MED12L: variants seen among roughly 807,000 people sequenced by gnomAD.
MED12L encodes the protein mediator of RNA polymerase II transcription subunit 12-like protein.
A neutral mutation model predicts 281.3 loss-of-function variants in MED12L; 60 were observed. The ratio of observed to expected loss-of-function variants is 0.21; its 90% CI spans 0.17 to 0.26. MED12L has a LOEUF of 0.26. MED12L is among the 10% of genes least tolerant of loss of function. MED12L has a pLI of 1.00. For synonymous variants in MED12L, 974 were observed against 987.2 expected, an observed-to-expected ratio of 0.99 and a Z score of 0.25; for missense variants, 2,146 against 2,680.9, an observed-to-expected ratio of 0.80 and a Z score of 4.41.
rs192614575 is a variant in MED12L, at chr3:151,284,309, A to G, written c.2251-65750A>G. Among the ~76,000 whole-genome samples the G allele has an allele frequency of 2.0e-3, 298 of 152,178 alleles. 1 individual carries two copies. The highest frequency in any genetic ancestry group is 6.8e-3 in the African/African-American group (284 of 41,508). On this transcript the variant is annotated intron_variant, in intron 16 of 44. Coordinates refer to ENST00000687756, the MANE Select transcript of MED12L (RefSeq NM_001393769.1). ...TTGTTTTTTTTTTTCTACCCAAAGA[A>G]TAAGCCGCACCTGACATTATGTAGA... is the stretch of plus-strand genomic sequence containing the variant.
At chr3:151,237,121 A>C (rs908092453) in intron 16 of MED12L, among the ~76,000 whole-genome samples, 4 of 146,654 alleles carry the variant, frequency 2.7e-5, no homozygotes, top group Non-Finnish European at 5.9e-5. Flanking sequence ...GGCTAACTGC[A>C]ACCTCCGTTT....
intron 5 of MED12L, among the ~76,000 whole-genome samples, chr3:151,136,086 C>T (rs894154373): frequency 6.6e-6 from 1 of 152,170 alleles, no homozygotes. Context: ...GGATTTGAGT[C>T]AGATGAGAGA....
At chr3:151,195,991 T>C (rs1264397615) in intron 16 of MED12L, among the ~76,000 whole-genome samples, 5 of 152,228 alleles carry the variant, frequency 3.3e-5, no homozygotes, top group Non-Finnish European at 5.9e-5. Flanking sequence ...TATGTGTTCC[T>C]TTCTTGGGTA....
chr3:151,106,359 CTACAGGGTCTCGCCA>C (rs2148684516), intron 2 of MED12L, among the ~76,000 whole-genome samples: 1 of 120,468 alleles, frequency 8.3e-6, no homozygotes, highest in Non-Finnish European at 1.7e-5. Context: ...CTTTCCTTTC[CTACAGGGTCTCGCCA>C]TGTTGGGCAG....
chr3:151,416,209 A>G, intron 42 of MED12L, 103 bp from the exon 43 acceptor site: 1 of 1,595,930 alleles, frequency 6.3e-7, no homozygotes, highest in Non-Finnish European at 8.6e-7. Flanking sequence ...TATTGTTTTT[A>G]CTACAACATA....
intron 13 of MED12L, 22 bp from the exon 14 acceptor site, chr3:151,190,695 G>GAT: frequency 6.2e-7 from 1 of 1,609,000 alleles, no homozygotes. Context: ...AGGAATTCTT[G>GAT]ATTGAATTTG....
At chr3:151,383,968 C>A in intron 34 of MED12L, 80 bp downstream of exon 34, 2 of 1,479,876 alleles carry the variant, frequency 1.4e-6, no homozygotes, top group South Asian at 1.2e-5. Context: ...CGATTTCTGC[C>A]ACATCTTATT....
At chr3:151,148,248 A>T (rs999954631) in intron 5 of MED12L, among the ~76,000 whole-genome samples, 1 of 152,160 alleles carries the variant, frequency 6.6e-6, no homozygotes, top group East Asian at 1.9e-4. Context: ...TGTATTCTAG[A>T]TCCAACTCCT....
chr3:151,153,749 A>G (rs1028784824), intron 5 of MED12L, among the ~76,000 whole-genome samples: 1 of 151,594 alleles, frequency 6.6e-6, no homozygotes, highest in African/African-American at 2.4e-5. Flanking sequence ...TTGTATTTTT[A>G]GTAGAGACGG....
intron 16 of MED12L, among the ~76,000 whole-genome samples, chr3:151,282,344 T>G (rs1742925115): frequency 7.1e-6 from 1 of 140,572 alleles, no homozygotes; most frequent in South Asian, 2.3e-4. Context: ...GGTTATATAA[T>G]TTAGTTTTTT....
At chr3:151,133,569 G>A (rs1715710879) in intron 5 of MED12L, among the ~76,000 whole-genome samples, 1 of 151,268 alleles carries the variant, frequency 6.6e-6, no homozygotes, top group African/African-American at 2.4e-5. Flanking sequence ...AAGCCTGAAA[G>A]AAGAGTTTGT....
chr3:151,155,081 A>G (rs1264460890), intron 5 of MED12L, among the ~76,000 whole-genome samples: 1 of 152,264 alleles, frequency 6.6e-6, no homozygotes, highest in Non-Finnish European at 1.5e-5. Context: ...TTTAAAAAGT[A>G]AAAACAAAGC....
At chr3:151,253,792 A>G (rs1226191057) in intron 16 of MED12L, among the ~76,000 whole-genome samples, 3 of 152,082 alleles carry the variant, frequency 2.0e-5, no homozygotes, top group African/African-American at 7.2e-5. Context: ...GTCCAGGATT[A>G]CTTTCTGGGC....
At chr3:151,219,922 G>A (rs990207216) in intron 16 of MED12L, among the ~76,000 whole-genome samples, 5 of 126,238 alleles carry the variant, frequency 4.0e-5, no homozygotes, top group African/African-American at 9.5e-5. Flanking sequence ...ATGGATGATC[G>A]AATCAATTTA....
At chr3:151,310,635 G>T (rs941603130) in intron 16 of MED12L, among the ~76,000 whole-genome samples, 10 of 152,176 alleles carry the variant, frequency 6.6e-5, no homozygotes, top group Non-Finnish European at 1.2e-4. Context: ...CCATCTGATA[G>T]GGATGAATGC....
At chr3:151,167,673 A>T (rs1003364407) in intron 11 of MED12L, among the ~76,000 whole-genome samples, 2 of 152,200 alleles carry the variant, frequency 1.3e-5, no homozygotes, top group Non-Finnish European at 2.9e-5. Context: ...ATTCATCGCG[A>T]GTTCAGTAGC....
rs541290311 is a variant in MED12L at position 151,224,740 on chromosome 3, C to CA, written c.2250+31075dup. ...ACTCACCACACTTCTCAGAAGCTGTCAGGGACCTAATTTCTAAGCCTGTTG... is the reference window on the plus strand; with the variant it reads ...ACTCACCACACTTCTCAGAAGCTGTCAAGGGACCTAATTTCTAAGCCTGTTG... On this transcript the variant is annotated intron_variant, in intron 16 of 44. Coordinates refer to ENST00000687756, the MANE Select transcript of MED12L (RefSeq NM_001393769.1). Among the ~76,000 whole-genome samples the CA allele has an allele frequency of 3.1e-4, 47 of 152,302 alleles. No homozygotes were observed. The East Asian group carries it at 7.7e-3, about 25-fold the overall frequency.
chr3:151,191,978 C>T (rs141024079), intron 14 of MED12L, among the ~76,000 whole-genome samples: 1 of 151,930 alleles, frequency 6.6e-6, no homozygotes, highest in Non-Finnish European at 1.5e-5. Context: ...AAAACAGTAG[C>T]TATACTTACA....
intron 16 of MED12L, chr3:151,329,612 G>T: frequency 1.0e-6 from 1 of 977,134 alleles, no homozygotes; most frequent in Non-Finnish European, 1.6e-6. Flanking sequence ...CTTATGTAAT[G>T]TGACCCATTA....
Sources: gnomAD v4.1 joint callset for allele counts (sites outside exome capture counted in the v4.1 genomes callset) on GRCh38, gnomAD v4.1.1 for gene constraint, MANE v1.5 for transcripts, NCBI Gene and HGNC (gene_info 2026-07-23, HGNC 2026-07-21) for gene names.